Variants in ARHGEF17 observed in about 807,000 individuals in gnomAD.
ARHGEF17 encodes 164 kDa Rho-specific guanine-nucleotide exchange factor.
A neutral mutation model predicts 174.0 loss-of-function variants in ARHGEF17; 80 were observed. The ratio of observed to expected loss-of-function variants is 0.46; its 90% CI spans 0.38 to 0.55. The LOEUF is 0.55. ARHGEF17 is among the 20% of genes least tolerant of loss of function. The probability of loss-of-function intolerance (pLI) is 0.00; values close to 1 mark genes in which losing one functional copy is unlikely to be tolerated. For synonymous variants in ARHGEF17, 1,311 were observed against 1,189.1 expected, an observed-to-expected ratio of 1.10 and a Z score of -2.11; for missense variants, 2,886 against 2,839.7, an observed-to-expected ratio of 1.02 and a Z score of -0.37.
chr11:73,352,694 A>G (rs1865574298), intron 2 of ARHGEF17, 136 bp from the exon 3 acceptor site: 3 of 882,436 alleles, frequency 3.4e-6, no homozygotes, highest in Non-Finnish European at 5.3e-6. Context: ...TCTTGGTCTC[A>G]TGAGGGAGAT....
In ARHGEF17 at chr11:73,362,602, G is replaced by C. The variant is rs150154910; in HGVS notation, c.4864G>C (p.Gly1622Arg). 2 of 1,610,782 alleles carry C rather than the reference G, an allele frequency of 1.2e-6. No homozygotes were observed. Among genetic ancestry groups the C allele is most frequent in the Non-Finnish European group, 1.7e-6 (2 of 1,179,956 alleles). Reference sequence around the variant, plus strand: ...AGGCTCGGGCTTGGAGATGACGCCGGGCCTCGGCGAGGGTGACCCCCGCCC... The same window carrying C: ...AGGCTCGGGCTTGGAGATGACGCCGCGCCTCGGCGAGGGTGACCCCCGCCC... ...IAGSGLEMTP[G>R]LGEGDPRPEL... The change falls in exon 14 of 21, where the codon GGC becomes CGC. Residue 1622 changes from glycine (G) to arginine (R), a missense_variant. This residue lies in a region of ARHGEF17 where 476 missense variants were observed against 473.1 expected (regional missense o/e 1.01). Transcript: ENST00000263674.
At chr11:73,319,498 A>T (rs138223578) in intron 1 of ARHGEF17, among the ~76,000 whole-genome samples, 2 of 152,332 alleles carry the variant, frequency 1.3e-5, no homozygotes, top group Admixed American at 1.3e-4. Flanking sequence ...ACATATTCAC[A>T]GGTTCTGGGG....
At chr11:73,352,278 C>T (rs760948848) in intron 2 of ARHGEF17, among the ~76,000 whole-genome samples, 4 of 152,138 alleles carry the variant, frequency 2.6e-5, no homozygotes, top group Non-Finnish European at 5.9e-5. Context: ...GAGTTGAGAT[C>T]GCACCACCGC....
In ARHGEF17 at chr11:73,362,671, C is replaced by T; in HGVS notation, c.4933C>T (p.Pro1645Ser). Residue 1645 changes from proline (P) to serine (S), a missense_variant, in exon 14 of 21, where the codon CCC (proline) becomes TCC (serine). Pro to Ser is a moderately conservative substitution (Grantham distance 74). Transcript: ENST00000263674. ...CAGTGACTCTGACGATGAGTCTTCG[C>T]CCAGCCCCTCGGGGACGCTGCAGAG... ...FDSDSDDESS[P>S]SPSGTLQSQA... is the part of the protein sequence containing the mutation. 6.2e-7 allele frequency: 1 copy of T among 1,611,102 alleles called. No homozygotes were observed. The highest frequency in any genetic ancestry group is 8.5e-7 in the Non-Finnish European group (1 of 1,179,962).
intron 1 of ARHGEF17, among the ~76,000 whole-genome samples, chr11:73,321,417 A>G (rs920079247): frequency 1.3e-5 from 2 of 152,190 alleles, no homozygotes; most frequent in African/African-American, 2.4e-5. Flanking sequence ...AGTGAGTCTG[A>G]GTGTCTGTAT....
At chr11:73,341,612 G>T (rs189678438) in intron 1 of ARHGEF17, among the ~76,000 whole-genome samples, 1 of 152,168 alleles carries the variant, frequency 6.6e-6, no homozygotes, top group Non-Finnish European at 1.5e-5. Context: ...GCGCCCGCCC[G>T]AAACTGGTCT....
At chr11:73,333,115 G>C (rs1865235005) in intron 1 of ARHGEF17, among the ~76,000 whole-genome samples, 1 of 152,200 alleles carries the variant, frequency 6.6e-6, no homozygotes, top group South Asian at 2.1e-4. Flanking sequence ...TTAGGCCCTG[G>C]AAGTGTTTTG....
intron 1 of ARHGEF17, among the ~76,000 whole-genome samples, chr11:73,321,629 A>G (rs1324613092): frequency 6.6e-6 from 1 of 152,194 alleles, no homozygotes; most frequent in Non-Finnish European, 1.5e-5. Flanking sequence ...CTGGCTCCAG[A>G]CAGCTCTCAG....
intron 1 of ARHGEF17, among the ~76,000 whole-genome samples, chr11:73,338,412 G>A (rs1481399742): frequency 6.6e-6 from 1 of 152,166 alleles, no homozygotes; most frequent in East Asian, 1.9e-4. Context: ...AGCACCTGAG[G>A]AAGGCAGCGG....
chr11:73,309,479 C>A lies in ARHGEF17; in HGVS notation c.841C>A (p.Arg281=). The stretch of plus-strand genomic sequence containing the variant: ...CCACTCCTCGGGCAGTGACGACGAC[C>A]GAGACGGTGAGGGCGGCCACCGCTG... ...GGHSSGSDDD[R]DGEGGHRWGG... Residue 281 remains arginine (R), a synonymous_variant, in exon 1 of 21, where the codon CGA becomes AGA. Transcript: ENST00000263674. 1 of 1,544,242 alleles carries A rather than the reference C, an allele frequency of 6.5e-7. No individual in the cohort carries two copies. Among genetic ancestry groups the A allele is most frequent in the South Asian group, 1.2e-5 (1 of 82,494 alleles).
chr11:73,365,726 C>T lies in ARHGEF17; in HGVS notation c.5774C>T (p.Thr1925Ile). The T allele has an allele frequency of 8.7e-6, 14 of 1,613,740 alleles. No individual in the cohort carries two copies. The highest frequency in any genetic ancestry group is 1.2e-5 in the Non-Finnish European group (14 of 1,180,016). The change falls in exon 20 of 21, where the codon ACA becomes ATA. Residue 1925 changes from threonine to isoleucine, a missense_variant. Thr to Ile is a moderately conservative substitution (Grantham distance 89). Around this residue, in one of 4 missense-constraint regions of ARHGEF17, gnomAD observed 329 missense variants for 435.2 expected, o/e 0.76. Transcript: ENST00000263674. The surrounding 1 kb of genome is among the most constrained non-coding windows in gnomAD (Gnocchi z 4.9). Reference protein sequence around the residue: ...RQHKAACLRITALLVCEELLW... With the variant: ...RQHKAACLRIIALLVCEELLW... Reference sequence around the variant, plus strand: ...CACAAGGCTGCCTGTCTGCGAATCACAGCGCTGCTGGTGTGTGAGGAGCTG... The same window carrying T: ...CACAAGGCTGCCTGTCTGCGAATCATAGCGCTGCTGGTGTGTGAGGAGCTG...
chr11:73,314,404 C>T (rs1454731138), intron 1 of ARHGEF17, among the ~76,000 whole-genome samples: 5 of 152,242 alleles, frequency 3.3e-5, no homozygotes, highest in Non-Finnish European at 4.4e-5. Context: ...CCCCCATTGC[C>T]GGGAAGTGGG....
rs1314840171 is a variant in ARHGEF17, at chr11:73,311,047, A to G, written c.2409A>G (p.Ile803Met). The change falls in exon 1 of 21, where the codon ATA becomes ATG. Residue 803 changes from isoleucine to methionine, a missense_variant. Physicochemically the swap from Ile to Met is conservative, Grantham distance 10. Coordinates refer to ENST00000263674, the MANE Select transcript of ARHGEF17 (RefSeq NM_014786.4). ...SKGYQEVIQS[I>M]VQGPGTLGRV... is the part of the protein sequence containing the mutation. ...GATATCAGGAGGTTATTCAGAGCATAGTTCAGGGGCCTGGCACCCTGGGGC... is the reference window on the plus strand; with the variant it reads ...GATATCAGGAGGTTATTCAGAGCATGGTTCAGGGGCCTGGCACCCTGGGGC... The G allele has an allele frequency of 1.9e-6, 3 of 1,614,070 alleles. No individual in the cohort carries two copies. The highest frequency in any genetic ancestry group is 8.5e-7 in the Non-Finnish European group (1 of 1,179,962).
At chr11:73,326,932 G>C (rs1865111707) in intron 1 of ARHGEF17, among the ~76,000 whole-genome samples, 1 of 152,146 alleles carries the variant, frequency 6.6e-6, no homozygotes, top group Non-Finnish European at 1.5e-5. Flanking sequence ...AAAGAGGGAA[G>C]CCCTCCCTGA....
Position 73,309,276 on chromosome 11 carries a change from G to A in ARHGEF17, c.638G>A (p.Gly213Asp). The A allele has an allele frequency of 6.2e-6, 10 of 1,612,078 alleles. No individual in the cohort carries two copies. The highest frequency in any genetic ancestry group is 8.5e-6 in the Non-Finnish European group (10 of 1,179,568). ...GAGCGGGCGCAGCGTCCAGCGGATGGTTTACATTCTTGGCATATCTTCTCC... is the reference window on the plus strand; with the variant it reads ...GAGCGGGCGCAGCGTCCAGCGGATGATTTACATTCTTGGCATATCTTCTCC... ...QQERAQRPAD[G>D]LHSWHIFSQP... The change falls in exon 1 of 21, where the codon GGT becomes GAT. Residue 213 changes from glycine to aspartate, a missense_variant. By Grantham distance (94) the Gly-to-Asp change is moderately conservative (BLOSUM62 -1). Coordinates refer to ENST00000263674, the MANE Select transcript of ARHGEF17 (RefSeq NM_014786.4).
rs1488969179 is a variant in ARHGEF17 at position 73,365,237 on chromosome 11, G to C, written c.5551-153G>C. 5.4e-6 allele frequency: 4 copies of C among 739,516 alleles called. No individual in the cohort carries two copies. In the Admixed American group the frequency reaches 1.1e-4, roughly 20 times the overall value. The allele number at this position is 739,516 out of a possible 1,614,324, so 45.8% of individuals were successfully genotyped here. A position where few individuals can be genotyped will look rare whatever the true frequency, so the allele number is the denominator to read the frequency against. ...GTAATTCCTGAGAACTAAGTTGGGA[G>C]GTGCTGGTGAAACCAAGCTTCGAAA... On this transcript the variant is annotated intron_variant, in intron 18 of 20. Coordinates refer to ENST00000263674, the MANE Select transcript of ARHGEF17 (RefSeq NM_014786.4). The surrounding 1 kb of genome is among the most constrained non-coding windows in gnomAD (Gnocchi z 4.9).
rs765352876 is a variant in ARHGEF17 at position 73,309,019 on chromosome 11, C to T, written c.381C>T (p.Thr127=). 7.0e-7 allele frequency: 1 copy of T among 1,419,264 alleles called. No homozygotes were observed. Among genetic ancestry groups the T allele is most frequent in the Non-Finnish European group, 9.2e-7 (1 of 1,091,416 alleles). 87.9% of individuals were successfully genotyped at this position (1,419,264 alleles called of 1,614,324 possible). ...CGCGAGGAGCCTGGCCCAGCGTCAC[C>T]GAGATGCGCAAGCTCTTCGGCGGTC... ...GPARGAWPSV[T]EMRKLFGGPG... Residue 127 remains threonine, a synonymous_variant, in exon 1 of 21, where the codon ACC becomes ACT. Coordinates refer to ENST00000263674, the MANE Select transcript of ARHGEF17 (RefSeq NM_014786.4).
intron 1 of ARHGEF17, among the ~76,000 whole-genome samples, chr11:73,345,285 C>G (rs376584911): frequency 6.6e-6 from 1 of 152,106 alleles, no homozygotes; most frequent in Admixed American, 6.6e-5. Context: ...CCTTCCCACC[C>G]GTCAGAGCCC....
intron 2 of ARHGEF17, among the ~76,000 whole-genome samples, chr11:73,350,787 A>C (rs183999601): frequency 7.9e-5 from 12 of 151,832 alleles, no homozygotes; most frequent in Admixed American, 7.2e-4. Context: ...TCCCCTTGGC[A>C]CCCTGATCCC....
Sources: allele counts gnomAD v4.1 joint callset (sites outside exome capture counted in the v4.1 genomes callset), GRCh38; gene constraint gnomAD v4.1.1; regional missense constraint gnomAD v4.1.1; non-coding constraint Gnocchi (gnomAD v3.1); transcripts MANE v1.5; gene names NCBI Gene and HGNC (gene_info 2026-07-23, HGNC 2026-07-21).